Variants in PAPOLG observed in about 807,000 individuals in gnomAD.
PAPOLG encodes poly(A) polymerase gamma, also known as PAP-gamma.
A neutral mutation model predicts 99.0 loss-of-function variants in PAPOLG; 40 were observed. That is an observed-to-expected ratio of 0.40 (90% CI 0.31 to 0.53). The LOEUF (loss-of-function observed/expected upper bound fraction) is 0.53. PAPOLG is among the 20% of genes least tolerant of loss of function. The pLI is 0.41. For synonymous variants in PAPOLG, 310 were observed against 299.3 expected (o/e 1.04, Z -0.37); for missense variants, 675 against 884.1 (o/e 0.76, Z 3.00).
intron 15 of PAPOLG, chr2:60,791,481 G>GGT (rs1671534790): frequency 4.9e-6 from 1 of 204,172 alleles, no homozygotes; most frequent in African/African-American, 2.3e-5. Context: ...GAACCCAGGA[G>GGT]GTGGAGGTTG....
rs201926751 is a variant in PAPOLG, at chr2:60,756,451, C to G, written c.-28C>G. The stretch of plus-strand genomic sequence containing the variant: ...GAACAGGACTCCAGAGCGATAAACA[C>G]TCGCTGGAGAGGGAGACGCAGGAAG... On this transcript the variant is annotated 5_prime_UTR_variant, in exon 1 of 22. Transcript: ENST00000238714. 5.2e-5 allele frequency: 84 copies of G among 1,612,780 alleles called. No homozygotes were observed. In the East Asian group the frequency reaches 1.6e-3, roughly 31 times the overall value.
At chr2:60,756,544 G>A (rs1384769267) in intron 1 of PAPOLG, 49 bp downstream of exon 1, 1 of 1,554,382 alleles carries the variant, frequency 6.4e-7, no homozygotes, top group Non-Finnish European at 8.7e-7. Flanking sequence ...GGGGTGAGCT[G>A]AGGTGGTCCG....
Position 60,800,659 on chromosome 2 carries a change from G to T in PAPOLG, c.*3499G>T, listed in dbSNP as rs1671818867. The T allele has an allele frequency of 6.6e-6, 1 of 152,264 alleles. No individual in the cohort carries two copies. Among genetic ancestry groups the T allele is most frequent in the Admixed American group, 6.6e-5 (1 of 15,262 alleles). The allele number at this position is 152,264 out of a possible 1,614,324, so 9.4% of individuals were successfully genotyped here. ...ACTATGTTCCACACCTTTGAAATAGGAATTCCTAACTTGAGAATCATGAAC... is the reference window on the plus strand; with the variant it reads ...ACTATGTTCCACACCTTTGAAATAGTAATTCCTAACTTGAGAATCATGAAC... On this transcript the variant is annotated 3_prime_UTR_variant, in exon 22 of 22. Transcript: ENST00000238714.
chr2:60,780,132 G>A (rs1166278368), intron 9 of PAPOLG, among the ~76,000 whole-genome samples: 7 of 152,074 alleles, frequency 4.6e-5, no homozygotes, highest in African/African-American at 1.4e-4. Context: ...CTAAATTATC[G>A]GAATTAAATC....
In PAPOLG at chr2:60,793,716, G is replaced by C; in HGVS notation, c.1768+1G>C. 1 of 1,612,628 alleles carries C rather than the reference G, an allele frequency of 6.2e-7. No homozygotes were observed. The highest frequency in any genetic ancestry group is 8.5e-7 in the Non-Finnish European group (1 of 1,179,124). The stretch of plus-strand genomic sequence containing the variant: ...CTTTCCATTCCAGTGATTGGCGCAA[G>C]TAGGTATCTAAACTTGTATATATTA... On this transcript the variant is annotated splice_donor_variant, in intron 18 of 21. Transcript: ENST00000238714. LOFTEE classifies it high-confidence loss of function.
At chr2:60,766,773 GGTTGGATTCTGTAACCAT>G (rs1268046000) in intron 3 of PAPOLG, among the ~76,000 whole-genome samples, 1 of 152,052 alleles carries the variant, frequency 6.6e-6, no homozygotes, top group Non-Finnish European at 1.5e-5. Context: ...GTGAAAAGGA[GGTTGGATTCTGTAACCAT>G]GTTGGTTGGT....
Position 60,760,127 on chromosome 2 carries a change from T to G in PAPOLG, c.18-7T>G. 1.9e-6 allele frequency: 3 copies of G among 1,612,110 alleles called. No homozygotes were observed. Among genetic ancestry groups the G allele is most frequent in the Middle Eastern group, 1.7e-4 (1 of 6,052 alleles). ...TTTTGTTTCATTTTTCTTATTTTCT[T>G]GAACAGAAACACCGTGCTGGACAGC... On this transcript the variant is annotated splice_polypyrimidine_tract_variant and splice_region_variant and intron_variant, in intron 1 of 21. Transcript: ENST00000238714.
In PAPOLG at chr2:60,775,243, ACT is replaced by A. The variant is rs1003586621; in HGVS notation, c.694+123_694+124del. On this transcript the variant is annotated intron_variant, in intron 8 of 21. Coordinates refer to ENST00000238714, the MANE Select transcript of PAPOLG (RefSeq NM_022894.4). ...ATTGTTGGAGGTTAAGGGCCAATAAACTCTGTAATAGCTATTTGCTTTTCAAG... is the reference window on the plus strand; with the variant it reads ...ATTGTTGGAGGTTAAGGGCCAATAAACTGTAATAGCTATTTGCTTTTCAAG... 52 of 1,154,700 alleles carry A rather than the reference ACT, an allele frequency of 4.5e-5. No homozygotes were observed. In the African/African-American group the frequency reaches 7.2e-4, roughly 16 times the overall value. 71.5% of individuals were successfully genotyped at this position (1,154,700 alleles called of 1,614,324 possible).
At chr2:60,760,035 A>T in intron 1 of PAPOLG, 99 bp from the exon 2 acceptor site, 1 of 1,228,500 alleles carries the variant, frequency 8.1e-7, no homozygotes, top group Non-Finnish European at 1.1e-6. Flanking sequence ...GTAAACTTTT[A>T]AGGTAGCTAA....
intron 11 of PAPOLG, 110 bp from the exon 12 acceptor site, chr2:60,782,574 AAT>A (rs781103941): frequency 7.1e-4 from 959 of 1,348,396 alleles, no homozygotes; most frequent in Non-Finnish European, 8.1e-4. Flanking sequence ...GAAAAAAAAA[AAT>A]TTCGTCTGGT....
At chr2:60,796,475 C>A (rs1286033952) in intron 21 of PAPOLG, among the ~76,000 whole-genome samples, 2 of 151,928 alleles carry the variant, frequency 1.3e-5, no homozygotes, top group Admixed American at 1.3e-4. Flanking sequence ...ATCTTTAATG[C>A]CCTCAGAATC....
At position 60,760,140 on chromosome 2, in the gene PAPOLG, C is replaced by A. The variant is rs181836391; in HGVS notation, c.24C>A (p.Thr8=). 1.2e-6 allele frequency: 2 copies of A among 1,613,158 alleles called. No individual in the cohort carries two copies. The highest frequency in any genetic ancestry group is 8.5e-7 in the Non-Finnish European group (1 of 1,179,724). The change falls in exon 2 of 22, where the codon ACC becomes ACA. Residue 8 remains threonine (T), a synonymous_variant. Coordinates refer to ENST00000238714, the MANE Select transcript of PAPOLG (RefSeq NM_022894.4). MKEMSAN[T]VLDSQRQQKH... ...TTCTTATTTTCTTGAACAGAAACAC[C>A]GTGCTGGACAGCCAGCGTCAACAAA... is the stretch of plus-strand genomic sequence containing the variant.
intron 8 of PAPOLG, 116 bp downstream of exon 8, chr2:60,775,239 A>G (rs1670981480): frequency 8.2e-7 from 1 of 1,215,800 alleles, no homozygotes; most frequent in Non-Finnish European, 1.1e-6. Flanking sequence ...TTAAGGGCCA[A>G]TAAACTCTGT....
At chr2:60,759,329 A>G (rs950351285) in intron 1 of PAPOLG, among the ~76,000 whole-genome samples, 20 of 151,712 alleles carry the variant, frequency 1.3e-4, no homozygotes, top group African/African-American at 3.6e-4. Flanking sequence ...GATCTCCCCA[A>G]TGCACTCCAG....
At chr2:60,778,748 C>T (rs1395146176) in intron 8 of PAPOLG, among the ~76,000 whole-genome samples, 1 of 152,062 alleles carries the variant, frequency 6.6e-6, no homozygotes, top group African/African-American at 2.4e-5. Flanking sequence ...GTCTTGTATA[C>T]TTAAGATAAA....
At chr2:60,759,697 T>C (rs575474972) in intron 1 of PAPOLG, among the ~76,000 whole-genome samples, 2 of 152,342 alleles carry the variant, frequency 1.3e-5, no homozygotes, top group African/African-American at 4.8e-5. Context: ...TTTTCATTTC[T>C]TTCCTGGGGA....
At position 60,769,664 on chromosome 2, in the gene PAPOLG, C is replaced by G. The variant is rs537995277; in HGVS notation, c.438+774C>G. ...ATGAGCTTTCATTATTTTAAAATTT[C>G]TAACTCTAGTAGCCTTTCTAAATAA... On this transcript the variant is annotated intron_variant, in intron 5 of 21. Coordinates refer to ENST00000238714, the MANE Select transcript of PAPOLG (RefSeq NM_022894.4). Among the ~76,000 whole-genome samples the G allele has an allele frequency of 9.9e-5, 15 of 152,224 alleles. No individual in the cohort carries two copies. The East Asian group carries it at 2.7e-3, about 27-fold the overall frequency.
chr2:60,761,869 A>G (rs368638673), intron 3 of PAPOLG, 62 bp downstream of exon 3: 23 of 1,175,194 alleles, frequency 2.0e-5, no homozygotes, highest in South Asian at 3.9e-5. Flanking sequence ...CATCCTGGCA[A>G]TAAGATGCAG....
chr2:60,787,681 G>A (rs1671406695), intron 15 of PAPOLG, 61 bp downstream of exon 15: 1 of 1,574,638 alleles, frequency 6.4e-7, no homozygotes, highest in Admixed American at 1.9e-5. Context: ...AGTGTCATCT[G>A]CCTACAATCT....
Sources: allele counts gnomAD v4.1 joint callset (sites outside exome capture counted in the v4.1 genomes callset), GRCh38; gene constraint gnomAD v4.1.1; transcripts MANE v1.5; gene names NCBI Gene and HGNC (gene_info 2026-07-23, HGNC 2026-07-21).